Variants in CFAP276 observed in about 807,000 individuals in gnomAD.
CFAP276 encodes the protein cilia- and flagella-associated protein 276.
the CFAP276 span, chr1:109,106,511 C>T: frequency 1.9e-6 from 3 of 1,612,038 alleles, no homozygotes; most frequent in Non-Finnish European, 2.5e-6. Context: ...GCCCCATCTG[C>T]TTACCCAGTC....
chr1:109,106,051 C>T, the CFAP276 span: 22 of 1,613,712 alleles, frequency 1.4e-5, no homozygotes, highest in Non-Finnish European at 1.8e-5. Flanking sequence ...AAGCCACCAT[C>T]TTTCTTTCGG....
At chr1:109,113,424 G>GAGAGAGAGAGAGAGACCCTGTC in the CFAP276 span, among the ~76,000 whole-genome samples, 1 of 66,078 alleles carries the variant, frequency 1.5e-5, no homozygotes, top group African/African-American at 4.5e-5. Context: ...GAAAGAGAGA[G>GAGAGAGAGAGAGAGACCCTGTC]AGAGAGAGAG....
At chr1:109,109,880 T>C in the CFAP276 span, among the ~76,000 whole-genome samples, 1 of 152,090 alleles carries the variant, frequency 6.6e-6, no homozygotes, top group Non-Finnish European at 1.5e-5. Context: ...GGCACTGTGC[T>C]ATCACTGAGA....
At chr1:109,106,516 C>A in the CFAP276 span, 1 of 1,612,372 alleles carries the variant, frequency 6.2e-7, no homozygotes, top group South Asian at 1.1e-5. Flanking sequence ...ATCTGCTTAC[C>A]CAGTCCTCTA....
the CFAP276 span, chr1:109,105,951 T>A: frequency 8.6e-7 from 1 of 1,160,584 alleles, no homozygotes; most frequent in African/African-American, 1.6e-5. Flanking sequence ...CACTTCAGAC[T>A]TCATCTTGCA....
chr1:109,112,495 G>T, the CFAP276 span: 4 of 1,420,942 alleles, frequency 2.8e-6, no homozygotes, highest in Non-Finnish European at 2.8e-6. Context: ...ACCCGACTGA[G>T]TGTCTTCACC....
chr1:109,112,457 A>AG, the CFAP276 span: 1 of 1,220,666 alleles, frequency 8.2e-7, no homozygotes, highest in Non-Finnish European at 1.1e-6. Flanking sequence ...GGAGATAGGG[A>AG]GGCAGGCAGA....
At chr1:109,112,609 C>T in the CFAP276 span, 1 of 1,550,568 alleles carries the variant, frequency 6.4e-7, no homozygotes, top group Non-Finnish European at 8.7e-7. Flanking sequence ...CTTGGAAGCC[C>T]GCAGTTCTCC....
the CFAP276 span, chr1:109,113,662 AG>A: frequency 1.9e-6 from 3 of 1,613,964 alleles, no homozygotes; most frequent in Non-Finnish European, 1.7e-6. Context: ...CGACGTCTGG[AG>A]GGTGATCTCT....
chr1:109,106,746 GA>G, the CFAP276 span: 1 of 1,444,152 alleles, frequency 6.9e-7, no homozygotes, highest in Non-Finnish European at 9.4e-7. Flanking sequence ...GTGATCTCAA[GA>G]ATAAAGCAGC....
chr1:109,107,225 CT>C, the CFAP276 span: 1 of 823,346 alleles, frequency 1.2e-6, no homozygotes, highest in Non-Finnish European at 2.0e-6. Flanking sequence ...AGTGAAGGCT[CT>C]CTTGGGCCTG....
chr1:109,110,306 C>T, the CFAP276 span, among the ~76,000 whole-genome samples: 48,835 of 151,952 alleles, frequency 0.32, 10,242 homozygotes, highest in African/African-American at 0.59. Flanking sequence ...TATTTACTAT[C>T]TCTACTTCCT....
At chr1:109,113,641 C>G in the CFAP276 span, 1 of 1,614,068 alleles carries the variant, frequency 6.2e-7, no homozygotes, top group Non-Finnish European at 8.5e-7. Flanking sequence ...ACTGGGGCCT[C>G]TTCCAGGCGA....
chr1:109,106,504 C>A, the CFAP276 span: 1 of 1,609,184 alleles, frequency 6.2e-7, no homozygotes, highest in South Asian at 1.1e-5. Flanking sequence ...CCCCACTGCC[C>A]CATCTGCTTA....
chr1:109,112,174 G>A, the CFAP276 span, among the ~76,000 whole-genome samples: 1 of 152,168 alleles, frequency 6.6e-6, no homozygotes, highest in African/African-American at 2.4e-5. Context: ...CAAACATATT[G>A]TGGTGTTAAC....
chr1:109,107,099 G>T, the CFAP276 span: 16 of 1,614,030 alleles, frequency 9.9e-6, no homozygotes, highest in Admixed American at 2.2e-4. Flanking sequence ...CTGCTAAGCG[G>T]AAGTCCAGGT....
At chr1:109,109,533 CT>C in the CFAP276 span, among the ~76,000 whole-genome samples, 292 of 114,940 alleles carry the variant, frequency 2.5e-3, no homozygotes, top group African/African-American at 5.0e-3. Flanking sequence ...TGAGCCATAC[CT>C]TTTTTTTTTT....
At chr1:109,109,327 A>T in the CFAP276 span, among the ~76,000 whole-genome samples, 1 of 151,486 alleles carries the variant, frequency 6.6e-6, no homozygotes, top group African/African-American at 2.4e-5. Context: ...GGGCGCCTGT[A>T]ATCTCAGCTA....
chr1:109,110,341 T>C, the CFAP276 span, among the ~76,000 whole-genome samples: 1 of 152,194 alleles, frequency 6.6e-6, no homozygotes. Context: ...ATACCCTCTT[T>C]AGCTCACTGC....
Sources: allele counts gnomAD v4.1 joint callset (sites outside exome capture counted in the v4.1 genomes callset), GRCh38; gene constraint gnomAD v4.1.1; transcripts MANE v1.5; gene names NCBI Gene and HGNC (gene_info 2026-07-23, HGNC 2026-07-21).